Variants in HEATR5A observed in about 807,000 individuals in gnomAD.
The protein encoded by HEATR5A is HEAT repeat containing 5A, also known as HEAT repeat-containing protein 5A.
A neutral mutation model predicts 218.8 loss-of-function variants in HEATR5A; 178 were observed. The ratio of observed to expected loss-of-function variants is 0.81; its 90% CI spans 0.72 to 0.92. The LOEUF (loss-of-function observed/expected upper bound fraction) is 0.92, where lower values mean the gene tolerates loss of function less well. HEATR5A is among the 40% of genes least tolerant of loss of function. The pLI is 0.00. For missense variants in HEATR5A, 2,420 were observed against 2,418.9 expected, an observed-to-expected ratio of 1.00 and a Z score of -0.01; for synonymous variants, 864 against 871.6, an observed-to-expected ratio of 0.99 and a Z score of 0.15.
intron 22 of HEATR5A, among the ~76,000 whole-genome samples, chr14:31,329,454 C>T (rs1051460607): frequency 2.6e-5 from 4 of 152,158 alleles, no homozygotes; most frequent in Admixed American, 6.5e-5. Context: ...GCAGTCCCCA[C>T]GCAAGTCCAA....
At chr14:31,332,181 T>C (rs948582712) in intron 22 of HEATR5A, among the ~76,000 whole-genome samples, 1 of 152,198 alleles carries the variant, frequency 6.6e-6, no homozygotes, top group African/African-American at 2.4e-5. Context: ...AATTATAATA[T>C]CTGTTATGAT....
chr14:31,359,873 C>T (rs1366726952), intron 14 of HEATR5A, among the ~76,000 whole-genome samples: 1 of 151,910 alleles, frequency 6.6e-6, no homozygotes, highest in East Asian at 1.9e-4. Flanking sequence ...TTCATCTTTA[C>T]CAGCTGCAAC....
chr14:31,309,068 A>G lies in HEATR5A; in HGVS notation c.4556T>C (p.Val1519Ala). ...ALWLTSTGFV[V>A]ADPDEGASNL... ...AGATGCTCCTTCATCTGGGTCAGCA[A>G]CAACAAAACCCGTGCTTGTAAGCCA... Residue 1519 changes from valine (V) to alanine (A), a missense_variant, in exon 29 of 36, where the codon GTT becomes GCT. Val to Ala is a moderately conservative substitution (Grantham distance 64, BLOSUM62 0). Coordinates refer to ENST00000543095, the MANE Select transcript of HEATR5A (RefSeq NM_015473.4). 6.2e-7 allele frequency: 1 copy of G among 1,613,870 alleles called. No individual in the cohort carries two copies. The highest frequency in any genetic ancestry group is 1.1e-5 in the South Asian group (1 of 91,088).
intron 28 of HEATR5A, among the ~76,000 whole-genome samples, chr14:31,311,691 GATT>G (rs986882563): frequency 1.8e-4 from 28 of 152,044 alleles, no homozygotes; most frequent in African/African-American, 6.8e-4. Context: ...ATATAAAAAA[GATT>G]AAACAATCAG....
At chr14:31,321,727 T>A (rs1319480065) in intron 24 of HEATR5A, 47 bp from the exon 25 acceptor site, 3 of 1,405,162 alleles carry the variant, frequency 2.1e-6, no homozygotes, top group Admixed American at 2.5e-5. Context: ...TTAGAAAATA[T>A]CAAAAAAATG....
chr14:31,403,226 T>C (rs2030940977), intron 1 of HEATR5A, among the ~76,000 whole-genome samples, 177 bp from the exon 2 acceptor site: 1 of 152,154 alleles, frequency 6.6e-6, no homozygotes, highest in South Asian at 2.1e-4. Flanking sequence ...TCCACCCTTA[T>C]ATTCTGTACT....
At chr14:31,343,245 A>G (rs1437914240) in intron 21 of HEATR5A, among the ~76,000 whole-genome samples, 1 of 152,096 alleles carries the variant, frequency 6.6e-6, no homozygotes, top group Non-Finnish European at 1.5e-5. Flanking sequence ...GGCACCCACC[A>G]CCACGCCCAG....
intron 19 of HEATR5A, among the ~76,000 whole-genome samples, chr14:31,345,896 G>A (rs923497477): frequency 5.1e-5 from 7 of 138,532 alleles, no homozygotes; most frequent in Admixed American, 2.1e-4. Flanking sequence ...TGGCAGGTGC[G>A]CACACACATG....
intron 11 of HEATR5A, among the ~76,000 whole-genome samples, chr14:31,378,595 G>A (rs889686736): frequency 2.0e-5 from 3 of 152,064 alleles, no homozygotes; most frequent in Non-Finnish European, 4.4e-5. Context: ...AGGCCATCCT[G>A]GCTAACATGG....
chr14:31,404,664 C>T (rs976380182), intron 1 of HEATR5A, among the ~76,000 whole-genome samples: 4 of 151,124 alleles, frequency 2.6e-5, no homozygotes, highest in Admixed American at 1.3e-4. Context: ...CCCAGCACTT[C>T]GGGTAGCTGA....
chr14:31,343,473 T>C (rs1310067540), intron 21 of HEATR5A, among the ~76,000 whole-genome samples: 1 of 152,210 alleles, frequency 6.6e-6, no homozygotes, highest in Non-Finnish European at 1.5e-5. Flanking sequence ...AAGCCAGATA[T>C]TGATGCATAT....
At chr14:31,325,889 A>G in intron 23 of HEATR5A, 1 of 443,206 alleles carries the variant, frequency 2.3e-6, no homozygotes, top group Admixed American at 3.8e-5. Context: ...TAGGGCATAA[A>G]CAATAACTTT....
At chr14:31,368,043 A>G (rs1901870946) in intron 13 of HEATR5A, among the ~76,000 whole-genome samples, 2 of 152,176 alleles carry the variant, frequency 1.3e-5, no homozygotes, top group Non-Finnish European at 2.9e-5. Context: ...TTCATGTATT[A>G]GAAACTTAAT....
chr14:31,324,717 C>G (rs537899898), intron 23 of HEATR5A, among the ~76,000 whole-genome samples: 1 of 144,778 alleles, frequency 6.9e-6, no homozygotes, highest in South Asian at 2.2e-4. Context: ...AGATCTTGCT[C>G]TGTTACACAA....
At chr14:31,389,713 T>C (rs1225937700) in intron 6 of HEATR5A, among the ~76,000 whole-genome samples, 1 of 152,142 alleles carries the variant, frequency 6.6e-6, no homozygotes, top group South Asian at 2.1e-4. Flanking sequence ...TCTGACCCTC[T>C]ACAAGAGTAC....
chr14:31,312,533 C>T (rs1595085859), intron 28 of HEATR5A, among the ~76,000 whole-genome samples: 1 of 151,926 alleles, frequency 6.6e-6, no homozygotes, highest in East Asian at 2.0e-4. Context: ...CTGCCTCAGC[C>T]TCCCGAGTTG....
chr14:31,293,637 G>A (rs1899086307), intron 35 of HEATR5A, 25 bp from the exon 36 acceptor site: 2 of 1,561,390 alleles, frequency 1.3e-6, no homozygotes, highest in African/African-American at 2.8e-5. Context: ...AATAATATAA[G>A]TTCAGTGACA....
Position 31,358,797 on chromosome 14 carries a change from C to G in HEATR5A, c.2251G>C (p.Gly751Arg), listed in dbSNP as rs1282938709. 1 of 1,613,332 alleles carries G rather than the reference C, an allele frequency of 6.2e-7. No homozygotes were observed. Among genetic ancestry groups the G allele is most frequent in the Non-Finnish European group, 8.5e-7 (1 of 1,179,788 alleles). Residue 751 changes from glycine (G) to arginine (R), a missense_variant, in exon 16 of 36, where the codon GGT becomes CGT. Coordinates refer to ENST00000543095, the MANE Select transcript of HEATR5A (RefSeq NM_015473.4). ...TATTCAAGACTTCCGCAAGCAACACCATTACCAAGCAGGAGCTAAAAGGGA... is the reference window on the plus strand; with the variant it reads ...TATTCAAGACTTCCGCAAGCAACACGATTACCAAGCAGGAGCTAAAAGGGA... ...FIEEQLLLGN[G>R]VACGSLEYDP...
rs147333036 is a variant in HEATR5A at position 31,337,388 on chromosome 14, T to TAA, written c.3367+86_3367+87dup. Reference sequence around the variant, plus strand: ...AGCAGGTTTAAGACATATTAACTTTTAAACTGTTTCAAAACTCATGTATAT... The same window carrying TAA: ...AGCAGGTTTAAGACATATTAACTTTTAAAAACTGTTTCAAAACTCATGTATAT... On this transcript the variant is annotated intron_variant, in intron 22 of 35. Transcript: ENST00000543095. 2.6e-3 allele frequency: 2,857 copies of TAA among 1,090,624 alleles called. 73 individuals are homozygous for TAA. In the East Asian group the frequency reaches 0.059, roughly 22 times the overall value. 67.6% of individuals were successfully genotyped at this position (1,090,624 alleles called of 1,614,324 possible).
Sources: allele counts gnomAD v4.1 joint callset (sites outside exome capture counted in the v4.1 genomes callset), GRCh38; gene constraint gnomAD v4.1.1; transcripts MANE v1.5; gene names NCBI Gene and HGNC (gene_info 2026-07-23, HGNC 2026-07-21).